SORBS2: variants seen among roughly 807,000 people sequenced by gnomAD.
SORBS2 encodes the protein sorbin and SH3 domain-containing protein 2.
Under a neutral mutation model 97.7 loss-of-function variants are expected in SORBS2, and 46 were observed. The ratio of observed to expected loss-of-function variants is 0.47; its 90% CI spans 0.37 to 0.60. The LOEUF (loss-of-function observed/expected upper bound fraction) is 0.60. Among genes scored for constraint, SORBS2 ranks in the 20% least tolerant of loss-of-function variants. The pLI, the probability that SORBS2 is intolerant of heterozygous loss-of-function variation, is 0.00. For missense variants in SORBS2, 1,316 were observed against 1,282.3 expected (o/e 1.03, Z -0.40); for synonymous variants, 476 against 473.4 (o/e 1.01, Z -0.07).
At chr4:185,652,170 G>A (rs578143497) in intron 2 of SORBS2, among the ~76,000 whole-genome samples, 6 of 152,140 alleles carry the variant, frequency 3.9e-5, no homozygotes, top group Middle Eastern at 3.4e-3. Flanking sequence ...TAACATATTC[G>A]TCTTGCTGCC....
At chr4:185,691,901 C>G (rs916996596) in intron 2 of SORBS2, among the ~76,000 whole-genome samples, 2 of 152,164 alleles carry the variant, frequency 1.3e-5, no homozygotes, top group Non-Finnish European at 2.9e-5. Context: ...CCCGCCACCA[C>G]GCTCGGATAA....
chr4:185,635,635 G>A (rs1473915499), intron 4 of SORBS2, among the ~76,000 whole-genome samples: 1 of 152,130 alleles, frequency 6.6e-6, no homozygotes, highest in Non-Finnish European at 1.5e-5. Flanking sequence ...ATTGGCTAGT[G>A]TTCAATTAGT....
At chr4:185,616,015 G>A (rs528113605) in intron 9 of SORBS2, among the ~76,000 whole-genome samples, 83 of 152,274 alleles carry the variant, frequency 5.5e-4, no homozygotes, top group Middle Eastern at 6.8e-3. Context: ...AGGTGATTAG[G>A]TTGGTTCATT....
At chr4:185,903,594 A>G (rs969154365) in intron 1 of SORBS2, among the ~76,000 whole-genome samples, 2 of 152,120 alleles carry the variant, frequency 1.3e-5, no homozygotes, top group African/African-American at 4.8e-5. Flanking sequence ...ACCGCCAGAT[A>G]TGTTTTTTTG....
intron 1 of SORBS2, among the ~76,000 whole-genome samples, chr4:185,809,482 A>AAAAG (rs1561170208): frequency 6.8e-6 from 1 of 147,894 alleles, no homozygotes; most frequent in Non-Finnish European, 1.5e-5. Context: ...AAAAAAAAAA[A>AAAAG]TCTGATATAG....
At chr4:185,808,379 A>G (rs964571767) in intron 1 of SORBS2, among the ~76,000 whole-genome samples, 2 of 152,200 alleles carry the variant, frequency 1.3e-5, no homozygotes, top group African/African-American at 4.8e-5. Context: ...CAACACAGAT[A>G]TCTTAAAGAC....
chr4:185,737,887 A>G (rs529281793), intron 2 of SORBS2, among the ~76,000 whole-genome samples: 1 of 152,306 alleles, frequency 6.6e-6, no homozygotes, highest in South Asian at 2.1e-4. Flanking sequence ...CTACAGAAAC[A>G]CATTTGGGAG....
intron 4 of SORBS2, among the ~76,000 whole-genome samples, chr4:185,664,469 T>A (rs1170901422): frequency 6.6e-6 from 1 of 152,140 alleles, no homozygotes; most frequent in African/African-American, 2.4e-5. Flanking sequence ...TGGTAAAGTT[T>A]TAAAAGCTAA....
intron 1 of SORBS2, among the ~76,000 whole-genome samples, chr4:185,893,075 C>T (rs2099243265): frequency 6.6e-6 from 1 of 151,950 alleles, no homozygotes; most frequent in Non-Finnish European, 1.5e-5. Flanking sequence ...AATTACTGGT[C>T]TTGAATTTTC....
At chr4:185,624,559 A>C in intron 6 of SORBS2, 65 bp from the exon 19 acceptor site, 2 of 1,491,348 alleles carry the variant, frequency 1.3e-6, no homozygotes, top group East Asian at 4.6e-5. Context: ...TCACAAAGAG[A>C]GGAGAGCATG....
At chr4:185,806,480 C>T (rs866038304) in intron 1 of SORBS2, among the ~76,000 whole-genome samples, 35 of 103,426 alleles carry the variant, frequency 3.4e-4, no homozygotes, top group Non-Finnish European at 4.7e-4. Flanking sequence ...TTTTTTGAGA[C>T]GGAGTCTCGC....
exon 1 of SORBS2, chr4:185,656,738 G>A: frequency 6.5e-7 from 1 of 1,538,860 alleles, no homozygotes; most frequent in Non-Finnish European, 8.7e-7. Flanking sequence ...AGCTGCCTCT[G>A]CTACTGCTGC....
At chr4:185,707,199 T>A (rs13140805) in intron 2 of SORBS2, among the ~76,000 whole-genome samples, 35,212 of 152,136 alleles carry the variant, frequency 0.23, 4,840 homozygotes, top group Non-Finnish European at 0.3. Flanking sequence ...TAAATACTAT[T>A]GTTATCTTAT....
chr4:185,630,589 A>G (rs1175832641), exon 5 of SORBS2: 1 of 1,599,438 alleles, frequency 6.3e-7, no homozygotes. Context: ...GAGGACTGAT[A>G]CAAGGAGGCC....
At chr4:185,926,558 T>G (rs2099263821) in intron 1 of SORBS2, among the ~76,000 whole-genome samples, 1 of 151,724 alleles carries the variant, frequency 6.6e-6, no homozygotes, top group Non-Finnish European at 1.5e-5. Flanking sequence ...TGGTTTTGTT[T>G]TTTTTTTAAT....
At chr4:185,868,637 C>T (rs1282175161) in intron 1 of SORBS2, among the ~76,000 whole-genome samples, 1 of 151,978 alleles carries the variant, frequency 6.6e-6, no homozygotes, top group Non-Finnish European at 1.5e-5. Flanking sequence ...TTTTTTGTGC[C>T]ACCACCGGTT....
At chr4:185,877,867 C>CAAAAAAAAAAAAAAAAAAAAAAAA (rs1491116547) in intron 1 of SORBS2, among the ~76,000 whole-genome samples, 4 of 50,448 alleles carry the variant, frequency 7.9e-5, no homozygotes, top group African/African-American at 2.2e-4. Flanking sequence ...GAGACTCTGT[C>CAAAAAAAAAAAAAAAAAAAAAAAA]AAAAAACAAA....
At chr4:185,802,616 C>T (rs556072657) in intron 1 of SORBS2, among the ~76,000 whole-genome samples, 3 of 152,256 alleles carry the variant, frequency 2.0e-5, no homozygotes, top group Non-Finnish European at 4.4e-5. Context: ...AAGAGGAGAG[C>T]AGAGAACTCA....
At chr4:185,921,303 T>C (rs1349699884) in intron 1 of SORBS2, among the ~76,000 whole-genome samples, 1 of 152,216 alleles carries the variant, frequency 6.6e-6, no homozygotes, top group Non-Finnish European at 1.5e-5. Flanking sequence ...TATCTGTAAG[T>C]ACGTGACAAT....
Sources: allele counts gnomAD v4.1 joint callset (sites outside exome capture counted in the v4.1 genomes callset), GRCh38; gene constraint gnomAD v4.1.1; transcripts MANE v1.5; gene names NCBI Gene and HGNC (gene_info 2026-07-23, HGNC 2026-07-21).